The following DNTT variants were observed in gnomAD, a reference collection of about 807,000 sequenced individuals.
DNTT encodes the protein DNA nucleotidylexotransferase, also known as nucleosidetriphosphate:DNA deoxynucleotidylexotransferase.
A neutral mutation model predicts 60.9 loss-of-function variants in DNTT; 47 were observed. The ratio of observed to expected loss-of-function variants is 0.77; its 90% CI spans 0.61 to 0.98. DNTT has a LOEUF of 0.98. Ranked by LOEUF, DNTT falls within the 50% of genes least tolerant of loss-of-function variation. The probability of loss-of-function intolerance (pLI) is 0.00; values close to 1 mark genes in which losing one functional copy is unlikely to be tolerated. For synonymous variants in DNTT, 224 were observed against 221.2 expected (o/e 1.01, Z -0.11); for missense variants, 665 against 627.5 (o/e 1.06, Z -0.64).
intron 2 of DNTT, 22 bp from the exon 3 acceptor site, chr10:96,319,240 G>T: frequency 1.2e-6 from 2 of 1,607,772 alleles, no homozygotes; most frequent in Non-Finnish European, 1.7e-6. Context: ...TATTGAAAAT[G>T]GATGCTTATG....
At chr10:96,327,353 G>A in intron 6 of DNTT, 115 bp from the exon 7 acceptor site, 1 of 1,470,722 alleles carries the variant, frequency 6.8e-7, no homozygotes, top group East Asian at 2.3e-5. Context: ...GGAGTTTGGT[G>A]TTGATGCCTG....
intron 1 of DNTT, chr10:96,306,807 A>G (rs1363880945): frequency 6.6e-6 from 1 of 152,266 alleles, no homozygotes; most frequent in African/African-American, 2.4e-5. Context: ...AAGACACATT[A>G]AATACAAATG....
At chr10:96,321,175 C>A (rs1362014078) in intron 4 of DNTT, among the ~76,000 whole-genome samples, 1 of 152,032 alleles carries the variant, frequency 6.6e-6, no homozygotes, top group Non-Finnish European at 1.5e-5. Flanking sequence ...GAAAAAGAGA[C>A]TGAGGCAAGT....
At chr10:96,321,730 T>C (rs1589373255) in intron 4 of DNTT, among the ~76,000 whole-genome samples, 1 of 152,156 alleles carries the variant, frequency 6.6e-6, no homozygotes, top group East Asian at 1.9e-4. Context: ...AGAGACAGTG[T>C]GATAACTCCT....
rs188141463 is a variant in DNTT at position 96,305,127 on chromosome 10, C to T, written c.203+427C>T. Among the ~76,000 whole-genome samples the T allele has an allele frequency of 1.4e-4, 22 of 152,286 alleles. No homozygotes were observed. The South Asian group carries it at 1.5e-3, about 10-fold the overall frequency. On this transcript the variant is annotated intron_variant, in intron 1 of 10. Coordinates refer to ENST00000371174, the MANE Select transcript of DNTT (RefSeq NM_004088.4). Reference sequence around the variant, plus strand: ...CTTGGTTCTTACCTATACATCTGGGCGTGCTAAGGCAGCTAGCATCTGTGG... The same window carrying T: ...CTTGGTTCTTACCTATACATCTGGGTGTGCTAAGGCAGCTAGCATCTGTGG...
chr10:96,310,215 G>A (rs1844698630), intron 1 of DNTT, among the ~76,000 whole-genome samples: 1 of 152,152 alleles, frequency 6.6e-6, no homozygotes, highest in South Asian at 2.1e-4. Flanking sequence ...CATAAACACT[G>A]GGGCCTCTTT....
In DNTT at chr10:96,318,444, C is replaced by A. The variant is rs754933419; in HGVS notation, c.296C>A (p.Pro99Gln). 5.0e-6 allele frequency: 8 copies of A among 1,613,962 alleles called. No homozygotes were observed. In the East Asian group the frequency reaches 1.1e-4, roughly 22 times the overall value. ...CAGAAAGTACAAGTCAGCTCACAACCAGAGCTCCTCGATGTCTCCTGGCTG... is the reference window on the plus strand; with the variant it reads ...CAGAAAGTACAAGTCAGCTCACAACAAGAGCTCCTCGATGTCTCCTGGCTG... Reference protein sequence around the residue: ...QAQKVQVSSQPELLDVSWLIE... With the variant: ...QAQKVQVSSQQELLDVSWLIE... Residue 99 changes from proline to glutamine, a missense_variant, in exon 2 of 11, where the codon CCA becomes CAA. Pro to Gln is a moderately conservative substitution (Grantham distance 76). Coordinates refer to ENST00000371174, the MANE Select transcript of DNTT (RefSeq NM_004088.4).
At chr10:96,328,968 A>G in intron 8 of DNTT, 138 bp downstream of exon 8, 1 of 818,934 alleles carries the variant, frequency 1.2e-6, no homozygotes, top group South Asian at 1.8e-5. Context: ...ACAAAGCCAT[A>G]TGACCTACAA....
chr10:96,304,861 G>A lies in DNTT; in HGVS notation c.203+161G>A, dbSNP rs375127121. Among the ~76,000 whole-genome samples, 18 of 150,150 alleles carry A rather than the reference G, an allele frequency of 1.2e-4. No homozygotes were observed. The East Asian group carries it at 1.5e-3, about 13-fold the overall frequency. On this transcript the variant is annotated intron_variant, in intron 1 of 10. Transcript: ENST00000371174. ...CAAAGAACAACTAGTTAAGGAAAAC[G>A]AGATAAGTGGGGACTGAATACAATT...
At chr10:96,322,831 C>G in intron 5 of DNTT, 103 bp downstream of exon 5, 2 of 883,654 alleles carry the variant, frequency 2.3e-6, no homozygotes, top group Non-Finnish European at 3.4e-6. Context: ...TAACAAAATA[C>G]AGAGATGGCG....
At chr10:96,315,332 G>GT (rs1250691905) in intron 1 of DNTT, among the ~76,000 whole-genome samples, 2 of 151,224 alleles carry the variant, frequency 1.3e-5, no homozygotes, top group African/African-American at 4.9e-5. Context: ...AACTTACCTT[G>GT]TTGGGAACTA....
chr10:96,315,752 A>G (rs1276525239), intron 1 of DNTT, among the ~76,000 whole-genome samples: 1 of 151,300 alleles, frequency 6.6e-6, no homozygotes, highest in African/African-American at 2.4e-5. Context: ...ATAATGTATC[A>G]TAAGTATAAT....
At chr10:96,330,646 T>G (rs1008683992) in intron 8 of DNTT, among the ~76,000 whole-genome samples, 2 of 152,142 alleles carry the variant, frequency 1.3e-5, no homozygotes, top group African/African-American at 4.8e-5. Context: ...ATAAAAAGTA[T>G]CTTTTTGAAT....
chr10:96,326,161 T>C (rs895684131), intron 6 of DNTT, among the ~76,000 whole-genome samples: 2 of 152,212 alleles, frequency 1.3e-5, no homozygotes, highest in Non-Finnish European at 2.9e-5. Flanking sequence ...TATCACTGCA[T>C]AAGCACAGGT....
chr10:96,315,952 T>G (rs934227421), intron 1 of DNTT, among the ~76,000 whole-genome samples: 2 of 152,164 alleles, frequency 1.3e-5, no homozygotes, highest in African/African-American at 4.8e-5. Context: ...AGAATGTTGC[T>G]TTGCCATGAC....
At chr10:96,336,325 A>G (rs1477694466) in intron 10 of DNTT, among the ~76,000 whole-genome samples, 1 of 152,110 alleles carries the variant, frequency 6.6e-6, no homozygotes, top group Admixed American at 6.5e-5. Context: ...CTACTTGTGT[A>G]CCCCTCAAAT....
At chr10:96,323,025 G>C (rs1844899275) in intron 5 of DNTT, among the ~76,000 whole-genome samples, 1 of 152,216 alleles carries the variant, frequency 6.6e-6, no homozygotes, top group African/African-American at 2.4e-5. Context: ...ACTAATCCTG[G>C]GCCGGGCACC....
In DNTT at chr10:96,338,205, C is replaced by T. The variant is rs1351641715; in HGVS notation, c.1511C>T (p.Pro504Leu). ...FAHLGLDYIE[P>L]WERNA is the part of the protein sequence containing the mutation. ...CATCTGGGATTGGATTATATTGAAC[C>T]GTGGGAAAGAAATGCCTAGGAAAGT... The change falls in exon 11 of 11, where the codon CCG becomes CTG. Residue 504 changes from proline to leucine, a missense_variant. Coordinates refer to ENST00000371174, the MANE Select transcript of DNTT (RefSeq NM_004088.4). The T allele has an allele frequency of 9.3e-6, 15 of 1,611,092 alleles. No homozygotes were observed. In the East Asian group the frequency reaches 2.0e-4, roughly 22 times the overall value.
chr10:96,307,687 GTA>G (rs1236778474), intron 1 of DNTT, among the ~76,000 whole-genome samples: 7 of 52,312 alleles, frequency 1.3e-4, no homozygotes, highest in African/African-American at 2.9e-4. Flanking sequence ...ATATATATAT[GTA>G]TGTGTGTGTG....
Sources: gnomAD v4.1 joint callset for allele counts (sites outside exome capture counted in the v4.1 genomes callset) on GRCh38, gnomAD v4.1.1 for gene constraint, MANE v1.5 for transcripts, NCBI Gene and HGNC (gene_info 2026-07-23, HGNC 2026-07-21) for gene names.